Variants in PCDHGA4 observed in about 807,000 individuals in gnomAD.
PCDHGA4 encodes the protein protocadherin gamma-A4.
A neutral mutation model predicts 54.6 loss-of-function variants in PCDHGA4; 38 were observed. The observed-to-expected ratio is 0.70, with a 90% CI of 0.54 to 0.91. PCDHGA4 has a LOEUF of 0.91. Ranked by LOEUF, PCDHGA4 falls within the 40% of genes least tolerant of loss-of-function variation. The pLI, the probability that PCDHGA4 is intolerant of heterozygous loss-of-function variation, is 0.00. For synonymous variants in PCDHGA4, 511 were observed against 512.9 expected (o/e 1.00, Z 0.05); for missense variants, 1,298 against 1,220.9 (o/e 1.06, Z -0.94).
chr5:141,431,216 C>A lies in PCDHGA4; in HGVS notation c.2515-63591C>A. On this transcript the variant is annotated intron_variant, in intron 1 of 3. Coordinates refer to ENST00000571252, the MANE Select transcript of PCDHGA4 (RefSeq NM_018917.4). The surrounding 1 kb of genome is among the most constrained non-coding windows in gnomAD (Gnocchi z 4.8). ...AAATGCAGCCACTGAGATGCGGTTC[C>A]CTCTACCCCACGCCTGGGATCCGGA... The A allele has an allele frequency of 6.2e-7, 1 of 1,614,162 alleles. No homozygotes were observed. The highest frequency in any genetic ancestry group is 8.5e-7 in the Non-Finnish European group (1 of 1,180,048).
At chr5:141,456,815 T>A (rs867637586) in intron 1 of PCDHGA4, among the ~76,000 whole-genome samples, 5 of 151,934 alleles carry the variant, frequency 3.3e-5, no homozygotes, top group Non-Finnish European at 7.4e-5. Flanking sequence ...ATACAAAAAA[T>A]TAGCCATCGT....
chr5:141,494,773 G>C, intron 1 of PCDHGA4, 34 bp from the exon 2 acceptor site: 1 of 1,613,966 alleles, frequency 6.2e-7, no homozygotes, highest in Non-Finnish European at 8.5e-7. Context: ...CTTCTCACGG[G>C]TACTCAGCCC....
At chr5:141,459,375 C>T (rs973503237) in intron 1 of PCDHGA4, among the ~76,000 whole-genome samples, 2 of 152,194 alleles carry the variant, frequency 1.3e-5, no homozygotes, top group African/African-American at 4.8e-5. Flanking sequence ...GTATCAGCAG[C>T]GTGTTCCATT....
rs778172652 is a variant in PCDHGA4, at chr5:141,418,978, C to G, written c.2514+61357C>G. 4 of 1,613,790 alleles carry G rather than the reference C, an allele frequency of 2.5e-6. No individual in the cohort carries two copies. In the South Asian group the frequency reaches 4.4e-5, roughly 18 times the overall value. ...TTGTTGCCCTCTTCAAAACACGGGACCAAGACTCAGGGGAAAATGGGGAAG... is the reference window on the plus strand; with the variant it reads ...TTGTTGCCCTCTTCAAAACACGGGAGCAAGACTCAGGGGAAAATGGGGAAG... On this transcript the variant is annotated intron_variant, in intron 1 of 3. Coordinates refer to ENST00000571252, the MANE Select transcript of PCDHGA4 (RefSeq NM_018917.4).
At chr5:141,416,132 A>G (rs939839074) in intron 1 of PCDHGA4, 1 of 153,964 alleles carries the variant, frequency 6.5e-6, no homozygotes, top group Non-Finnish European at 1.4e-5. Flanking sequence ...ATATTTTTCA[A>G]TCTATACTTT....
intron 1 of PCDHGA4, chr5:141,376,018 C>T (rs761668305): frequency 9.9e-6 from 16 of 1,613,312 alleles, no homozygotes; most frequent in Admixed American, 5.0e-5. Flanking sequence ...TAGTGGTGGC[C>T]GTCCAGGACC....
intron 2 of PCDHGA4, among the ~76,000 whole-genome samples, chr5:141,500,942 C>T (rs937418207): frequency 2.0e-5 from 3 of 151,926 alleles, no homozygotes; most frequent in Non-Finnish European, 4.4e-5. Context: ...CATCTCGGCT[C>T]ACTGCAAGCT....
rs1446743849 is a variant in PCDHGA4, at chr5:141,476,288, C to T, written c.2515-18519C>T. The T allele has an allele frequency of 1.3e-5, 21 of 1,613,980 alleles. No individual in the cohort carries two copies. The highest frequency in any genetic ancestry group is 2.2e-5 in the South Asian group (2 of 91,076). On this transcript the variant is annotated intron_variant, in intron 1 of 3. Coordinates refer to ENST00000571252, the MANE Select transcript of PCDHGA4 (RefSeq NM_018917.4). This position sits in a 1 kb window ranked among gnomAD's most constrained non-coding sequence, Gnocchi z 7.6. ...CGTGGTCGCGAACCTTGGTTTGGAT[C>T]TCGGTAGCCTCTCAGCCCGCAGGTT...
chr5:141,356,155 G>A lies in PCDHGA4; in HGVS notation c.1048G>A (p.Val350Ile), dbSNP rs542430789. 3.1e-6 allele frequency: 5 copies of A among 1,613,388 alleles called. No homozygotes were observed. In the South Asian group the frequency reaches 5.5e-5, roughly 18 times the overall value. Reference sequence around the variant, plus strand: ...GGACTCTGGATTCTATGACATAGATGTAGAAGCCCATGATGGGCCTGGTCT... The same window carrying A: ...GGACTCTGGATTCTATGACATAGATATAGAAGCCCATGATGGGCCTGGTCT... Reference protein sequence around the residue: ...YEDSGFYDIDVEAHDGPGLRA... With the variant: ...YEDSGFYDIDIEAHDGPGLRA... The change falls in exon 1 of 4, where the codon GTA becomes ATA. Residue 350 changes from valine (V) to isoleucine (I), a missense_variant. By Grantham distance (29) the Val-to-Ile change is conservative. Transcript: ENST00000571252.
chr5:141,481,646 C>T (rs1425216422), intron 1 of PCDHGA4, among the ~76,000 whole-genome samples: 1 of 151,950 alleles, frequency 6.6e-6, no homozygotes, highest in African/African-American at 2.4e-5. Flanking sequence ...GGTGAAACTT[C>T]ATCTCTACTA....
At chr5:141,370,662 A>G (rs1325799428) in intron 1 of PCDHGA4, 1 of 1,613,896 alleles carries the variant, frequency 6.2e-7, no homozygotes, top group South Asian at 1.1e-5. Flanking sequence ...GAGCGACCGT[A>G]TAGACCGAGA....
At chr5:141,360,028 A>T in intron 1 of PCDHGA4, 1 of 1,360,274 alleles carries the variant, frequency 7.4e-7, no homozygotes, top group Non-Finnish European at 9.8e-7. Flanking sequence ...AGGCCAGTAT[A>T]GATTCGGAAA....
chr5:141,414,986 A>G, intron 1 of PCDHGA4: 4 of 1,613,824 alleles, frequency 2.5e-6, no homozygotes, highest in Non-Finnish European at 3.4e-6. Context: ...GACTCCGGCC[A>G]GAACGCCTGG....
intron 1 of PCDHGA4, among the ~76,000 whole-genome samples, chr5:141,380,858 G>A (rs1193255513): frequency 6.6e-6 from 1 of 152,216 alleles, no homozygotes; most frequent in Non-Finnish European, 1.5e-5. Flanking sequence ...AAGACATTGA[G>A]AGCTATAACC....
At chr5:141,419,521 C>A (rs1418329404) in intron 1 of PCDHGA4, 1 of 1,612,240 alleles carries the variant, frequency 6.2e-7, no homozygotes, top group Non-Finnish European at 8.5e-7. Context: ...TGGTGGGCGA[C>A]CGTAACGACA....
At chr5:141,427,450 CT>C in intron 1 of PCDHGA4, 1 of 486,442 alleles carries the variant, frequency 2.1e-6, no homozygotes, top group South Asian at 1.5e-5. Flanking sequence ...GAAAGAGTTC[CT>C]TTTAGAATCG....
In PCDHGA4 at chr5:141,392,739, A is replaced by G. The variant is rs1024855569; in HGVS notation, c.2514+35118A>G. On this transcript the variant is annotated intron_variant, in intron 1 of 3. Transcript: ENST00000571252. ...GTTTCCGGAGGATTGTCATCTCCAT[A>G]GCTGCGGCAAGAAACTAAATAAGAC... The G allele has an allele frequency of 2.1e-5, 30 of 1,432,662 alleles. No individual in the cohort carries two copies. The African/African-American group carries it at 4.2e-4, about 20-fold the overall frequency. 88.7% of individuals were successfully genotyped at this position (1,432,662 alleles called of 1,614,324 possible).
At chr5:141,466,684 G>A (rs1337230884) in intron 1 of PCDHGA4, among the ~76,000 whole-genome samples, 1 of 152,034 alleles carries the variant, frequency 6.6e-6, no homozygotes, top group Non-Finnish European at 1.5e-5. Flanking sequence ...TTCCACTCAA[G>A]CTTCATCATA....
intron 1 of PCDHGA4, chr5:141,361,812 G>T (rs748753973): frequency 7.4e-6 from 12 of 1,612,954 alleles, no homozygotes; most frequent in Admixed American, 5.0e-5. Flanking sequence ...ATGACAATGC[G>T]CCACGGGTGC....
Sources: allele counts gnomAD v4.1 joint callset (sites outside exome capture counted in the v4.1 genomes callset), GRCh38; gene constraint gnomAD v4.1.1; non-coding constraint Gnocchi (gnomAD v3.1); transcripts MANE v1.5; gene names NCBI Gene and HGNC (gene_info 2026-07-23, HGNC 2026-07-21).